MCC: variants seen among roughly 807,000 people sequenced by gnomAD.
MCC encodes the protein colorectal mutant cancer protein.
Under a neutral mutation model 116.2 loss-of-function variants are expected in MCC, and 90 were observed. The ratio of observed to expected loss-of-function variants is 0.77; its 90% CI spans 0.65 to 0.92. The LOEUF (loss-of-function observed/expected upper bound fraction) is 0.92, where lower values mean the gene tolerates loss of function less well. MCC is among the 40% of genes least tolerant of loss of function. The pLI is 0.00. For synonymous variants in MCC, 578 were observed against 510.5 expected (o/e 1.13, Z -1.78); for missense variants, 1,516 against 1,312.2 (o/e 1.16, Z -2.40).
intron 1 of MCC, among the ~76,000 whole-genome samples, chr5:113,483,315 G>T (rs1243230480): frequency 1.3e-5 from 2 of 152,160 alleles, no homozygotes; most frequent in East Asian, 3.9e-4. Context: ...ACAGCAGCTG[G>T]TATTCTGAGA....
chr5:113,372,329 T>C (rs961810472), intron 2 of MCC, among the ~76,000 whole-genome samples: 11 of 152,308 alleles, frequency 7.2e-5, no homozygotes, highest in Non-Finnish European at 1.6e-4. Context: ...AATCAGCAAG[T>C]AAGACTGAAC....
At chr5:113,383,721 C>T (rs1202547088) in intron 2 of MCC, among the ~76,000 whole-genome samples, 1 of 151,960 alleles carries the variant, frequency 6.6e-6, no homozygotes, top group African/African-American at 2.4e-5. Flanking sequence ...AGTATTTCTA[C>T]ATATTATGTT....
At position 113,434,195 on chromosome 5, in the gene MCC, G is replaced by A. The variant is rs1352502123; in HGVS notation, c.171-48983C>T. 2 of 1,614,018 alleles carry A rather than the reference G, an allele frequency of 1.2e-6. No homozygotes were observed. Among genetic ancestry groups the A allele is most frequent in the Non-Finnish European group, 1.7e-6 (2 of 1,180,000 alleles). On this transcript the variant is annotated intron_variant, in intron 1 of 18. Transcript: ENST00000408903. The surrounding 1 kb of genome is among the most constrained non-coding windows in gnomAD (Gnocchi z 4.2). ...TCTTCTTGATGTTGGAGTCGTCGTA[G>A]GGCATGGAGCCGCAGACCATGATGT...
intron 3 of MCC, among the ~76,000 whole-genome samples, chr5:113,222,314 A>G (rs112480808): frequency 2.0e-5 from 3 of 152,074 alleles, no homozygotes; most frequent in African/African-American, 7.2e-5. Flanking sequence ...ATTGGGTTTG[A>G]TTTGCTAAAA....
chr5:113,413,214 A>G (rs571589702), intron 1 of MCC, among the ~76,000 whole-genome samples: 31 of 149,948 alleles, frequency 2.1e-4, no homozygotes, highest in African/African-American at 7.3e-4. Context: ...TTCATCAAGG[A>G]TATTGGTCTA....
intron 6 of MCC, among the ~76,000 whole-genome samples, chr5:113,118,945 C>G (rs1477237133): frequency 6.6e-6 from 1 of 152,162 alleles, no homozygotes; most frequent in Non-Finnish European, 1.5e-5. Flanking sequence ...CACTCAGTTC[C>G]CAGATTCCTG....
intron 1 of MCC, among the ~76,000 whole-genome samples, chr5:113,474,138 G>A (rs1421159447): frequency 6.6e-6 from 1 of 152,152 alleles, no homozygotes; most frequent in African/African-American, 2.4e-5. Context: ...AAATTATCAA[G>A]CATTTGAAGT....
chr5:113,130,380 A>G (rs1758351076), intron 5 of MCC, among the ~76,000 whole-genome samples: 1 of 152,160 alleles, frequency 6.6e-6, no homozygotes. Flanking sequence ...GAAATACCTA[A>G]TGTAGATAAT....
intron 3 of MCC, among the ~76,000 whole-genome samples, chr5:113,292,573 C>G (rs573568817): frequency 6.7e-6 from 1 of 149,320 alleles, no homozygotes; most frequent in South Asian, 2.1e-4. Context: ...GTGGATACAA[C>G]TAGGCAAAAA....
intron 1 of MCC, among the ~76,000 whole-genome samples, chr5:113,472,973 C>G (rs1772135293): frequency 6.6e-6 from 1 of 152,262 alleles, no homozygotes; most frequent in South Asian, 2.1e-4. Flanking sequence ...CGCATGATGT[C>G]AGGTAGTGTG....
chr5:113,100,680 C>T (rs1384098286), intron 8 of MCC, among the ~76,000 whole-genome samples: 1 of 151,986 alleles, frequency 6.6e-6, no homozygotes, highest in Non-Finnish European at 1.5e-5. Flanking sequence ...ATCATATTGG[C>T]CAGGCTGGTC....
At chr5:113,310,176 G>A (rs537033917) in intron 3 of MCC, among the ~76,000 whole-genome samples, 5 of 152,330 alleles carry the variant, frequency 3.3e-5, no homozygotes, top group East Asian at 1.9e-4. Flanking sequence ...ATGGAACAGC[G>A]TTAAGAGGTG....
rs150725824 is a variant in MCC at position 113,159,977 on chromosome 5, C to G, written c.628-8555G>C. ...AGCAGCTTTTCATCTTTCCTTTTAC[C>G]TGATAATTTCATTGAGAGGTCAGTG... On this transcript the variant is annotated intron_variant, in intron 3 of 18. Coordinates refer to ENST00000408903, the MANE Select transcript of MCC (RefSeq NM_001085377.2). Among the ~76,000 whole-genome samples the G allele has an allele frequency of 3.2e-3, 490 of 152,274 alleles. 1 individual carries two copies. The highest frequency in any genetic ancestry group is 0.011 in the African/African-American group (471 of 41,546).
intron 1 of MCC, among the ~76,000 whole-genome samples, chr5:113,462,647 CA>C (rs745634070): frequency 6.6e-6 from 1 of 152,110 alleles, no homozygotes; most frequent in Non-Finnish European, 1.5e-5. Context: ...AGAAACCCCT[CA>C]AAAAATAACT....
intron 5 of MCC, among the ~76,000 whole-genome samples, chr5:113,124,741 T>C (rs891050014): frequency 6.6e-6 from 1 of 152,226 alleles, no homozygotes; most frequent in Non-Finnish European, 1.5e-5. Context: ...CATTAAGCAG[T>C]AGGTTTTCTG....
At chr5:113,206,846 G>A (rs765726150) in intron 3 of MCC, among the ~76,000 whole-genome samples, 1 of 152,112 alleles carries the variant, frequency 6.6e-6, no homozygotes, top group Non-Finnish European at 1.5e-5. Context: ...TACAGTTTTC[G>A]TAAGCTTTCC....
intron 2 of MCC, among the ~76,000 whole-genome samples, chr5:113,342,282 A>G (rs1026074106): frequency 1.3e-5 from 2 of 152,216 alleles, no homozygotes; most frequent in East Asian, 3.8e-4. Flanking sequence ...GCAATAGCGA[A>G]TTGTGCTGGT....
At chr5:113,234,868 A>G (rs971318155) in intron 3 of MCC, among the ~76,000 whole-genome samples, 1 of 152,210 alleles carries the variant, frequency 6.6e-6, no homozygotes, top group Non-Finnish European at 1.5e-5. Context: ...CTAGCAATTC[A>G]GTCCAAAGGT....
chr5:113,298,435 T>G (rs1766765366), intron 3 of MCC, among the ~76,000 whole-genome samples: 1 of 152,210 alleles, frequency 6.6e-6, no homozygotes. Flanking sequence ...GCAGATAAAT[T>G]ACCATAGGGA....
Sources: gnomAD v4.1 joint callset for allele counts (sites outside exome capture counted in the v4.1 genomes callset) on GRCh38, gnomAD v4.1.1 for gene constraint, Gnocchi (gnomAD v3.1) non-coding constraint, MANE v1.5 for transcripts, NCBI Gene and HGNC (gene_info 2026-07-23, HGNC 2026-07-21) for gene names.